The following SHANK2 variants were observed in gnomAD, a reference collection of about 807,000 sequenced individuals.
The protein encoded by SHANK2 is SH3 and multiple ankyrin repeat domains 2, also known as SH3 and multiple ankyrin repeat domains protein 2.
In SHANK2, 43 loss-of-function variants were observed where a neutral mutation model predicts 133.7. The observed-to-expected ratio is 0.32, with a 90% CI of 0.25 to 0.41. The LOEUF (loss-of-function observed/expected upper bound fraction) is 0.41. Among genes scored for constraint, SHANK2 ranks in the 10% least tolerant of loss-of-function variants. The probability of loss-of-function intolerance (pLI) is 1.00; values close to 1 mark genes in which losing one functional copy is unlikely to be tolerated. For missense variants in SHANK2, 1,994 were observed against 2,235.8 expected, an observed-to-expected ratio of 0.89 and a Z score of 2.18; for synonymous variants, 1,017 against 952.8, an observed-to-expected ratio of 1.07 and a Z score of -1.24.
chr11:70,833,418 C>T (rs1047403180), intron 11 of SHANK2, among the ~76,000 whole-genome samples: 2 of 152,206 alleles, frequency 1.3e-5, no homozygotes, highest in Non-Finnish European at 2.9e-5. Flanking sequence ...AGACCCTGAC[C>T]GGTAGAGCCC....
At chr11:71,141,545 C>A (rs1952554339) in intron 3 of SHANK2, among the ~76,000 whole-genome samples, 1 of 152,202 alleles carries the variant, frequency 6.6e-6, no homozygotes, top group Admixed American at 6.5e-5. Flanking sequence ...TGACTTTGCT[C>A]CTCCTCCAAC....
chr11:70,754,533 A>G (rs1267299680), intron 14 of SHANK2, among the ~76,000 whole-genome samples: 2 of 152,196 alleles, frequency 1.3e-5, no homozygotes, highest in Non-Finnish European at 2.9e-5. Flanking sequence ...GTGCAGAAAA[A>G]GCCTTTGAGG....
intron 11 of SHANK2, among the ~76,000 whole-genome samples, chr11:70,865,837 C>A (rs1949348365): frequency 6.6e-6 from 1 of 152,218 alleles, no homozygotes; most frequent in Non-Finnish European, 1.5e-5. Flanking sequence ...CTGCAGAAAC[C>A]AAGCACCTGC....
chr11:71,093,932 T>C (rs1339990077), intron 7 of SHANK2, among the ~76,000 whole-genome samples: 1 of 152,098 alleles, frequency 6.6e-6, no homozygotes, highest in Non-Finnish European at 1.5e-5. Context: ...TGCACCACCC[T>C]GTCCAGAGGC....
intron 6 of SHANK2, among the ~76,000 whole-genome samples, chr11:71,105,978 T>C (rs1209346909): frequency 6.6e-6 from 1 of 152,200 alleles, no homozygotes; most frequent in African/African-American, 2.4e-5. Flanking sequence ...ACTCCAAGCG[T>C]GAACCTTCAT....
At chr11:70,738,067 C>G (rs780921123) in intron 14 of SHANK2, among the ~76,000 whole-genome samples, 1 of 152,260 alleles carries the variant, frequency 6.6e-6, no homozygotes, top group Non-Finnish European at 1.5e-5. Context: ...GCCCGCAAGA[C>G]GGTGGCAAGA....
chr11:71,126,725 C>CTTTTT lies in SHANK2; in HGVS notation c.208-7698_208-7694dup, dbSNP rs200961805. On this transcript the variant is annotated intron_variant, in intron 3 of 25. Transcript: ENST00000601538. ...AGTTGATTCCAACCCTCATAAACGA[C>CTTTTT]TTTTTTTTTTTTTTTTTTTGAGATG... is the stretch of plus-strand genomic sequence containing the variant. Among the ~76,000 whole-genome samples the CTTTTT allele has an allele frequency of 2.9e-3, 378 of 130,246 alleles. 8 individuals carry two copies. Among genetic ancestry groups the CTTTTT allele is most frequent in the African/African-American group, 0.01 (360 of 34,684 alleles). The allele number at this position is 130,246 out of a possible 152,430, so 85.4% of individuals were successfully genotyped here.
chr11:70,611,891 T>C (rs925601635), intron 17 of SHANK2, among the ~76,000 whole-genome samples: 1 of 145,798 alleles, frequency 6.9e-6, no homozygotes, highest in South Asian at 2.1e-4. Flanking sequence ...CACTCAGCAG[T>C]GTGAAACTGG....
chr11:71,106,280 T>A (rs1951800690), intron 6 of SHANK2, among the ~76,000 whole-genome samples: 1 of 152,228 alleles, frequency 6.6e-6, no homozygotes, highest in Non-Finnish European at 1.5e-5. Flanking sequence ...AGAGAACTGA[T>A]TCCATAATTC....
At chr11:71,085,661 A>AT (rs1186656711) in intron 8 of SHANK2, among the ~76,000 whole-genome samples, 1 of 23,216 alleles carries the variant, frequency 4.3e-5, no homozygotes, top group Non-Finnish European at 1.0e-4. Context: ...TATATATTAT[A>AT]TTATATATGT....
At position 70,846,452 on chromosome 11, in the gene SHANK2, T is replaced by G. The variant is rs545528215; in HGVS notation, c.1175-25770A>C. On this transcript the variant is annotated intron_variant, in intron 11 of 25. Coordinates refer to ENST00000601538, the MANE Select transcript of SHANK2 (RefSeq NM_012309.5). ...CTAATTTTTAGTTTTTCATTTTTTGTAGAGATGGGGCCTTGCTATGTTGCC... is the reference window on the plus strand; with the variant it reads ...CTAATTTTTAGTTTTTCATTTTTTGGAGAGATGGGGCCTTGCTATGTTGCC... 4.9e-4 allele frequency among the ~76,000 whole-genome samples: 74 copies of G among 152,104 alleles called. 2 individuals are homozygous for G. The highest frequency in any genetic ancestry group is 2.6e-3 in the Admixed American group (39 of 15,270).
chr11:70,803,330 C>T (rs1365229413), intron 13 of SHANK2, among the ~76,000 whole-genome samples: 2 of 151,622 alleles, frequency 1.3e-5, no homozygotes, highest in Non-Finnish European at 2.9e-5. Flanking sequence ...ACCCATCCAT[C>T]CATCTACCCA....
intron 17 of SHANK2, among the ~76,000 whole-genome samples, chr11:70,533,522 G>C (rs1203984499): frequency 6.6e-6 from 1 of 152,192 alleles, no homozygotes; most frequent in African/African-American, 2.4e-5. Context: ...GGGGGCCCAT[G>C]TCATCTGGCC....
chr11:70,930,709 G>T (rs1950491875), intron 10 of SHANK2, among the ~76,000 whole-genome samples: 1 of 144,454 alleles, frequency 6.9e-6, no homozygotes, highest in Non-Finnish European at 1.5e-5. Flanking sequence ...AGTTTCCCAG[G>T]CTGGAGGCTG....
At chr11:71,144,422 G>A (rs782490462) in intron 3 of SHANK2, among the ~76,000 whole-genome samples, 17 of 152,158 alleles carry the variant, frequency 1.1e-4, no homozygotes, top group Non-Finnish European at 2.1e-4. Context: ...AGAGGACCCC[G>A]TGGAGGATTC....
intron 1 of SHANK2, among the ~76,000 whole-genome samples, chr11:71,235,136 T>A (rs1201809636): frequency 1.3e-5 from 2 of 151,892 alleles, no homozygotes; most frequent in African/African-American, 4.8e-5. Flanking sequence ...CAGAAGTGAG[T>A]CCCTTTTGAC....
chr11:70,926,100 C>T (rs1002496460), intron 10 of SHANK2, among the ~76,000 whole-genome samples: 3 of 151,928 alleles, frequency 2.0e-5, no homozygotes, highest in Non-Finnish European at 4.4e-5. Context: ...TGGTGAAGCC[C>T]CCTCTCTACC....
At chr11:70,502,633 G>A (rs545127952) in intron 18 of SHANK2, among the ~76,000 whole-genome samples, 163 bp downstream of exon 18, 23 of 152,170 alleles carry the variant, frequency 1.5e-4, no homozygotes, top group Admixed American at 1.1e-3. Flanking sequence ...AGTCATTGTC[G>A]TGGGCTCTGG....
chr11:71,221,968 C>A (rs186788220), intron 2 of SHANK2, among the ~76,000 whole-genome samples: 1 of 152,234 alleles, frequency 6.6e-6, no homozygotes, highest in East Asian at 1.9e-4. Context: ...CCTGTTAGGG[C>A]GGAACTGGGA....
Sources: gnomAD v4.1 joint callset for allele counts (sites outside exome capture counted in the v4.1 genomes callset) on GRCh38, gnomAD v4.1.1 for gene constraint, MANE v1.5 for transcripts, NCBI Gene and HGNC (gene_info 2026-07-23, HGNC 2026-07-21) for gene names.